Variants in SNURF observed in about 807,000 individuals in gnomAD.
The protein encoded by SNURF is SNURF protein.
Under a neutral mutation model 11.6 loss-of-function variants are expected in SNURF, and 6 were observed. That is an observed-to-expected ratio of 0.52 (90% CI 0.28 to 1.02). The LOEUF (loss-of-function observed/expected upper bound fraction) is 1.02, where lower values mean the gene tolerates loss of function less well. SNURF is among the 50% of genes least tolerant of loss of function. SNURF has a pLI of 0.09. For synonymous variants in SNURF, 29 were observed against 31.6 expected, an observed-to-expected ratio of 0.92 and a Z score of 0.27; for missense variants, 84 against 88.4, an observed-to-expected ratio of 0.95 and a Z score of 0.20.
intron 1 of SNURF, among the ~76,000 whole-genome samples, chr15:24,958,266 C>T (rs1035910870): frequency 6.6e-6 from 1 of 151,860 alleles, no homozygotes; most frequent in Non-Finnish European, 1.5e-5. Flanking sequence ...TGTTTATCAG[C>T]GCCCTCTGTT....
At chr15:24,958,511 T>G (rs1215895568) in intron 1 of SNURF, among the ~76,000 whole-genome samples, 2 of 124,584 alleles carry the variant, frequency 1.6e-5, no homozygotes, top group Non-Finnish European at 3.3e-5. Context: ...TTTTTTTTTT[T>G]TTTTTTTTTA....
intron 1 of SNURF, among the ~76,000 whole-genome samples, chr15:24,961,066 C>T (rs556000324): frequency 4.0e-5 from 6 of 151,898 alleles, no homozygotes; most frequent in Admixed American, 6.6e-5. Context: ...TTAGTGTTTT[C>T]GGAACTTTAT....
At chr15:24,956,571 C>T (rs778341554) in intron 1 of SNURF, among the ~76,000 whole-genome samples, 10 of 151,780 alleles carry the variant, frequency 6.6e-5, no homozygotes, top group Non-Finnish European at 1.3e-4. Context: ...CAGTCGCCTC[C>T]GCTTGCAGTG....
chr15:24,977,651 GAAT>G, intron 6 of SNURF: 7 of 927,746 alleles, frequency 7.5e-6, no homozygotes, highest in Non-Finnish European at 9.2e-6. Context: ...AAAAACATGG[GAAT>G]AATGAGAGAA....
At chr15:24,971,538 G>A (rs12148639), downstream of SNURF, among the ~76,000 whole-genome samples, 4,681 of 150,972 alleles carry the variant, frequency 0.031, 76 homozygotes, top group Middle Eastern at 0.06. Context: ...ATTATATTAT[G>A]ATATATATAT....
chr15:24,976,672 G>GAGGTGT (rs1414466295), intron 5 of SNURF, among the ~76,000 whole-genome samples: 1 of 152,208 alleles, frequency 6.6e-6, no homozygotes, highest in Non-Finnish European at 1.5e-5. Flanking sequence ...GTTTATAAAA[G>GAGGTGT]AGGTGTTTTC....
chr15:24,955,814 TGGCGGCGGTAGGCATGGC>T (rs1838045764), intron 1 of SNURF, among the ~76,000 whole-genome samples: 1 of 149,078 alleles, frequency 6.7e-6, no homozygotes, highest in African/African-American at 2.5e-5. Flanking sequence ...TGGTGGACTT[TGGCGGCGGTAGGCATGGC>T]GGCGGTGGGC....
At chr15:24,969,075 T>C (rs1209844253), downstream of SNURF, among the ~76,000 whole-genome samples, 1 of 152,168 alleles carries the variant, frequency 6.6e-6, no homozygotes, top group Non-Finnish European at 1.5e-5. Flanking sequence ...TTTGAAGTAT[T>C]ATCCTTCAAC....
chr15:24,974,819 A>G (rs2076880453), intron 3 of SNURF: 3 of 662,258 alleles, frequency 4.5e-6, no homozygotes, highest in East Asian at 2.7e-5. Flanking sequence ...TCGGCCTCCC[A>G]AAGTGCTGGG....
rs77189619 is a variant in SNURF at position 24,960,827 on chromosome 15, T to C, written c.15-1287T>C. 5.2e-3 allele frequency among the ~76,000 whole-genome samples: 786 copies of C among 152,288 alleles called. 5 individuals carry two copies. Among genetic ancestry groups the C allele is most frequent in the African/African-American group, 0.018 (744 of 41,558 alleles). ...GTGAGTGACATACAAAAGCTGTAGA[T>C]AGTTAATGTTAAAAGTTGATATGCT... On this transcript the variant is annotated intron_variant, in intron 1 of 2. Transcript: ENST00000577949.
downstream of SNURF, chr15:24,978,682 T>C (rs1037161495): frequency 5.8e-5 from 32 of 548,356 alleles, no homozygotes; most frequent in Non-Finnish European, 9.6e-5. Context: ...TCAAATCATA[T>C]TCTCTTTAAT....
chr15:24,960,899 G>A (rs1268979448), intron 1 of SNURF, among the ~76,000 whole-genome samples: 1 of 152,106 alleles, frequency 6.6e-6, no homozygotes, highest in Non-Finnish European at 1.5e-5. Context: ...AAAATTAGTG[G>A]CATAAATGTG....
At chr15:24,961,949 G>A (rs1240735514) in intron 1 of SNURF, among the ~76,000 whole-genome samples, 165 bp from the exon 2 acceptor site, 1 of 152,072 alleles carries the variant, frequency 6.6e-6, no homozygotes, top group Non-Finnish European at 1.5e-5. Context: ...TTATAGCATA[G>A]ATTATGACTG....
At chr15:24,957,443 C>T (rs1205344399) in intron 1 of SNURF, among the ~76,000 whole-genome samples, 2 of 152,160 alleles carry the variant, frequency 1.3e-5, no homozygotes, top group Non-Finnish European at 2.9e-5. Context: ...GGAGCTACTA[C>T]AAAAATTTGG....
downstream of SNURF, among the ~76,000 whole-genome samples, chr15:24,970,727 T>C (rs1185237499): frequency 6.6e-6 from 1 of 152,228 alleles, no homozygotes; most frequent in East Asian, 1.9e-4. Context: ...CATTGTTTTC[T>C]AAACACATCA....
At chr15:24,970,434 C>T (rs1404020596), downstream of SNURF, among the ~76,000 whole-genome samples, 1 of 152,058 alleles carries the variant, frequency 6.6e-6, no homozygotes, top group Non-Finnish European at 1.5e-5. Context: ...CAAATATTAG[C>T]CGGGTGTAGT....
At chr15:24,974,540 G>T in intron 3 of SNURF, 1 of 1,280,296 alleles carries the variant, frequency 7.8e-7, no homozygotes, top group Middle Eastern at 1.8e-4. Flanking sequence ...GTGATCTTGG[G>T]TTCTGAATGT....
At chr15:24,971,284 C>CTCTCGTCGCCTT (rs1293397164), downstream of SNURF, among the ~76,000 whole-genome samples, 2 of 152,182 alleles carry the variant, frequency 1.3e-5, no homozygotes, top group Non-Finnish European at 2.9e-5. Flanking sequence ...GATGTTGCTA[C>CTCTCGTCGCCTT]TCTCGTCGCC....
intron 2 of SNURF, among the ~76,000 whole-genome samples, chr15:24,964,255 G>T (rs1237230891): frequency 1.3e-5 from 2 of 151,938 alleles, no homozygotes; most frequent in African/African-American, 4.8e-5. Context: ...AATATAATTT[G>T]TCCTTTATAT....
Sources: gnomAD v4.1 joint callset for allele counts (sites outside exome capture counted in the v4.1 genomes callset) on GRCh38, gnomAD v4.1.1 for gene constraint, MANE v1.5 for transcripts, NCBI Gene and HGNC (gene_info 2026-07-23, HGNC 2026-07-21) for gene names.